Variants in DIS3 observed in about 807,000 individuals in gnomAD.
DIS3 encodes the protein DIS3 exosome endoribonuclease and 3'-5' exoribonuclease.
A neutral mutation model predicts 113.0 loss-of-function variants in DIS3; 103 were observed. That is an observed-to-expected ratio of 0.91 (90% CI 0.78 to 1.07). The LOEUF is 1.07. Ranked by LOEUF, DIS3 falls within the 50% of genes least tolerant of loss-of-function variation. The pLI, the probability that DIS3 is intolerant of heterozygous loss-of-function variation, is 0.00. For missense variants in DIS3, 1,121 were observed against 1,167.1 expected, an observed-to-expected ratio of 0.96 and a Z score of 0.58; for synonymous variants, 402 against 394.3, an observed-to-expected ratio of 1.02 and a Z score of -0.23.
At chr13:72,766,357 T>C (rs1241191083) in intron 14 of DIS3, among the ~76,000 whole-genome samples, 1 of 152,192 alleles carries the variant, frequency 6.6e-6, no homozygotes, top group African/African-American at 2.4e-5. Flanking sequence ...GATGAGTTTT[T>C]ATTGAGCTAC....
At chr13:72,766,894 T>G (rs1459802992) in intron 14 of DIS3, among the ~76,000 whole-genome samples, 1 of 152,162 alleles carries the variant, frequency 6.6e-6, no homozygotes, top group Non-Finnish European at 1.5e-5. Flanking sequence ...TAAGTCTAAG[T>G]CCTTGTCTTC....
rs2033627511 is a variant in DIS3, at chr13:72,761,677, G to A, written c.2480C>T (p.Ala827Val). The A allele has an allele frequency of 6.2e-7, 1 of 1,612,198 alleles. No individual in the cohort carries two copies. Residue 827 changes from alanine (A) to valine (V), a missense_variant, in exon 18 of 21, where the codon GCC becomes GTC. By Grantham distance (64) the Ala-to-Val change is moderately conservative. This residue lies in a region of DIS3 where 861 missense variants were observed against 915.5 expected (regional missense o/e 0.94). Coordinates refer to ENST00000377767, the MANE Select transcript of DIS3 (RefSeq NM_014953.5). ...ATGAAAAGCCACTGATGCACGTTGG[G>A]CATATTGAGCCATTTTGTGCCGGAA... ...LNFRHKMAQYAQRASVAFHTQ... is the reference protein window; with the variant it reads ...LNFRHKMAQYVQRASVAFHTQ...
chr13:72,771,210 A>T, intron 11 of DIS3, 65 bp from the exon 12 acceptor site: 1 of 1,268,868 alleles, frequency 7.9e-7, no homozygotes, highest in Non-Finnish European at 1.1e-6. Flanking sequence ...GTGAGGTTCT[A>T]TTCTCAAATA....
intron 16 of DIS3, 114 bp from the exon 17 acceptor site, chr13:72,762,251 C>T: frequency 1.0e-6 from 1 of 970,144 alleles, no homozygotes; most frequent in Non-Finnish European, 1.5e-6. Flanking sequence ...TGTTATTTTC[C>T]TTCCCTTCAA....
chr13:72,773,610 T>C (rs1593847640), intron 8 of DIS3, 74 bp downstream of exon 8: 1 of 1,477,886 alleles, frequency 6.8e-7, no homozygotes, highest in East Asian at 2.3e-5. Flanking sequence ...TAGATTGTTT[T>C]TATTAAAAGC....
rs1007356388 is a variant in DIS3 at position 72,754,765 on chromosome 13, G to C, written c.*5030C>G. ...AGGTCTCATTCTGTCACCCAGGCTA[G>C]AGTGTAGTGGCACGACCACAGCTCA... On this transcript the variant is annotated 3_prime_UTR_variant, in exon 21 of 21. Transcript: ENST00000377767. 1.2e-5 allele frequency: 2 copies of C among 160,390 alleles called. No homozygotes were observed. The highest frequency in any genetic ancestry group is 6.5e-5 in the Admixed American group (1 of 15,474). The allele number at this position is 160,390 out of a possible 1,614,324, so 9.9% of individuals were successfully genotyped here.
chr13:72,753,703 A>G lies in DIS3; in HGVS notation c.*6092T>C, dbSNP rs1158254241. The G allele has an allele frequency of 1.2e-6, 2 of 1,612,366 alleles. No individual in the cohort carries two copies. Among genetic ancestry groups the G allele is most frequent in the Non-Finnish European group, 1.7e-6 (2 of 1,179,376 alleles). On this transcript the variant is annotated 3_prime_UTR_variant, in exon 21 of 21. Transcript: ENST00000377767. ...TTCTCCTGTCAGATGGATAGTGGCTATAATACGCAGAATTGTGGAAGCAAT... is the reference window on the plus strand; with the variant it reads ...TTCTCCTGTCAGATGGATAGTGGCTGTAATACGCAGAATTGTGGAAGCAAT...
In DIS3 at chr13:72,756,765, GA is replaced by G. The variant is rs35004530; in HGVS notation, c.*3029del. ...AGTCATTTTCATCCTGCCGCCCTGTGAAAAAGGTGCCTGCTTCTCCTTTTTC... is the reference window on the plus strand; with the variant it reads ...AGTCATTTTCATCCTGCCGCCCTGTGAAAAGGTGCCTGCTTCTCCTTTTTC... On this transcript the variant is annotated 3_prime_UTR_variant, in exon 21 of 21. Coordinates refer to ENST00000377767, the MANE Select transcript of DIS3 (RefSeq NM_014953.5). The G allele has an allele frequency of 6.6e-6, 1 of 152,288 alleles. No homozygotes were observed. Among genetic ancestry groups the G allele is most frequent in the Non-Finnish European group, 1.5e-5 (1 of 68,076 alleles). 9.4% of individuals were successfully genotyped at this position (152,288 alleles called of 1,614,324 possible).
intron 8 of DIS3, among the ~76,000 whole-genome samples, chr13:72,773,202 T>A (rs577433529): frequency 6.6e-6 from 1 of 152,302 alleles, no homozygotes; most frequent in South Asian, 2.1e-4. Context: ...GCCAGGCACA[T>A]TGGCTCATGC....
In DIS3 at chr13:72,773,328, A is replaced by C. The variant is rs115945640; in HGVS notation, c.1239+356T>G. Among the ~76,000 whole-genome samples the C allele has an allele frequency of 7.8e-3, 1,184 of 152,200 alleles. 13 individuals carry two copies. The highest frequency in any genetic ancestry group is 0.027 in the African/African-American group (1,116 of 41,538). On this transcript the variant is annotated intron_variant, in intron 8 of 20. Coordinates refer to ENST00000377767, the MANE Select transcript of DIS3 (RefSeq NM_014953.5). ...CTACTAAAAATTAGCTGGGCACGGTAGTGCACGCCTGTAGTCCCAGCTAAT... is the reference window on the plus strand; with the variant it reads ...CTACTAAAAATTAGCTGGGCACGGTCGTGCACGCCTGTAGTCCCAGCTAAT...
intron 13 of DIS3, among the ~76,000 whole-genome samples, chr13:72,769,766 T>A (rs886323324): frequency 6.6e-6 from 1 of 152,214 alleles, no homozygotes; most frequent in African/African-American, 2.4e-5. Flanking sequence ...AATTCACACA[T>A]CATTATTTAC....
chr13:72,772,670 A>T (rs1354276689), intron 9 of DIS3, 23 bp downstream of exon 9: 2 of 1,584,230 alleles, frequency 1.3e-6, no homozygotes, highest in African/African-American at 2.7e-5. Flanking sequence ...TTATAAAGTC[A>T]CTACAAATTA....
Position 72,772,250 on chromosome 13 carries a change from C to A in DIS3, c.1412G>T (p.Arg471Met). The A allele has an allele frequency of 6.2e-7, 1 of 1,612,428 alleles. No individual in the cohort carries two copies. Among genetic ancestry groups the A allele is most frequent in the Non-Finnish European group, 8.5e-7 (1 of 1,179,756 alleles). Residue 471 changes from arginine (R) to methionine (M), a missense_variant, in exon 10 of 21, where the codon AGG becomes ATG. By Grantham distance (91) the Arg-to-Met change is moderately conservative (BLOSUM62 -1). Transcript: ENST00000377767. ...EKDMKNREDLRHLCICSVDPP... is the reference protein window; with the variant it reads ...EKDMKNREDLMHLCICSVDPP... ...GTCTACACTACAAATACACAGATGC[C>A]TCAGGTCTTCTCGGTTTTTCATGTC...
intron 6 of DIS3, 124 bp downstream of exon 6, chr13:72,775,087 G>A (rs7332140): frequency 0.24 from 257,300 of 1,070,350 alleles, 34,488 homozygotes; most frequent in African/African-American, 0.54. Context: ...TATGACATGC[G>A]TTAAATATAC....
intron 14 of DIS3, 49 bp downstream of exon 14, chr13:72,768,736 A>G: frequency 1.4e-6 from 2 of 1,397,702 alleles, no homozygotes; most frequent in South Asian, 2.6e-5. Context: ...TGATCAAACA[A>G]TGTAAAGAGT....
chr13:72,771,827 T>C lies in DIS3; in HGVS notation c.1573A>G (p.Arg525Gly), dbSNP rs1171355541. 2 of 1,613,730 alleles carry C rather than the reference T, an allele frequency of 1.2e-6. No homozygotes were observed. Among genetic ancestry groups the C allele is most frequent in the African/African-American group, 2.7e-5 (2 of 74,928 alleles). ...CAAAGATACACAGTTGTTCCTCTTCTGGCTGATTCTTGATCCAAGGCATTT... is the reference window on the plus strand; with the variant it reads ...CAAAGATACACAGTTGTTCCTCTTCCGGCTGATTCTTGATCCAAGGCATTT... ...PGNALDQESA[R>G]RGTTVYLCEK... Residue 525 changes from arginine (R) to glycine (G), a missense_variant, in exon 11 of 21, where the codon AGA becomes GGA. Physicochemically the swap from Arg to Gly is moderately radical, Grantham distance 125. Around this residue, in one of 3 missense-constraint regions of DIS3, gnomAD observed 861 missense variants for 915.5 expected, o/e 0.94. Coordinates refer to ENST00000377767, the MANE Select transcript of DIS3 (RefSeq NM_014953.5).
chr13:72,777,560 T>G, intron 3 of DIS3, 67 bp from the exon 4 acceptor site: 1 of 1,356,336 alleles, frequency 7.4e-7, no homozygotes, highest in Non-Finnish European at 1.0e-6. Context: ...AAATGGATAG[T>G]CTTGTTTGCG....
At position 72,763,486 on chromosome 13, in the gene DIS3, T is replaced by G; in HGVS notation, c.2092A>C (p.Asn698His). The change falls in exon 16 of 21, where the codon AAT becomes CAT. Residue 698 changes from asparagine (N) to histidine (H), a missense_variant. By Grantham distance (68) the Asn-to-His change is moderately conservative. Coordinates refer to ENST00000377767, the MANE Select transcript of DIS3 (RefSeq NM_014953.5). Reference protein sequence around the residue: ...LRKHPAPPPSNYEILVKAARS... With the variant: ...LRKHPAPPPSHYEILVKAARS... ...GCTGCCTTAACAAGAATTTCATAAT[T>G]TGATGGAGGTGGAGCAGGATGTTTT... The G allele has an allele frequency of 6.2e-7, 1 of 1,613,280 alleles. No homozygotes were observed. The highest frequency in any genetic ancestry group is 8.5e-7 in the Non-Finnish European group (1 of 1,179,838).
Position 72,759,830 on chromosome 13 carries a change from C to A in DIS3, c.2842G>T (p.Gly948Ter). The A allele has an allele frequency of 6.2e-7, 1 of 1,612,784 alleles. No individual in the cohort carries two copies. Among genetic ancestry groups the A allele is most frequent in the Non-Finnish European group, 8.5e-7 (1 of 1,179,398 alleles). ...PTDTSNMDLN[G>*]PKKKKMKLGK ...AGCTTCATCTTCTTTTTCTTTGGTC[C>A]ATTAAGGTCCATGTTTGAAGTATCA... The change falls in exon 21 of 21, where the codon GGA becomes TGA. Residue 948 changes from glycine (G) to a stop codon, truncating the protein, a stop_gained. Coordinates refer to ENST00000377767, the MANE Select transcript of DIS3 (RefSeq NM_014953.5). LOFTEE classifies it high-confidence loss of function.
Sources: gnomAD v4.1 joint callset for allele counts (sites outside exome capture counted in the v4.1 genomes callset) on GRCh38, gnomAD v4.1.1 for gene constraint, gnomAD v4.1.1 regional missense constraint, MANE v1.5 for transcripts, NCBI Gene and HGNC (gene_info 2026-07-23, HGNC 2026-07-21) for gene names.